Variants in SEC24D observed in about 807,000 individuals in gnomAD.
SEC24D encodes protein transport protein Sec24D.
In SEC24D, 69 loss-of-function variants were observed where a neutral mutation model predicts 116.9. The ratio of observed to expected loss-of-function variants is 0.59; its 90% confidence interval spans 0.49 to 0.72. SEC24D has a LOEUF of 0.72. Among genes scored for constraint, SEC24D ranks in the 30% least tolerant of loss-of-function variants. SEC24D has a pLI of 0.00. For missense variants in SEC24D, 1,131 were observed against 1,264.1 expected (o/e 0.89, Z 1.60); for synonymous variants, 405 against 442.8 (o/e 0.91, Z 1.07).
chr4:118,756,630 G>A lies in SEC24D; in HGVS notation c.1421+1091C>T, dbSNP rs189822854. Among the ~76,000 whole-genome samples the A allele has an allele frequency of 1.8e-3, 281 of 152,122 alleles. 3 individuals are homozygous for A. The highest frequency in any genetic ancestry group is 6.5e-3 in the African/African-American group (270 of 41,500). On this transcript the variant is annotated intron_variant, in intron 11 of 22. Coordinates refer to ENST00000280551, the MANE Select transcript of SEC24D (RefSeq NM_014822.4). ...CCCTCCAGAAAAACATCCTTTTCCA[G>A]AACAAAGATTGTTGATGTTCAGGGA...
Position 118,723,656 on chromosome 4 carries a change from C to T in SEC24D, c.2959-1G>A. ...GTTCTCGCTGCTTTACAATTGTGAG[C>T]TAGGAAAAAAAAAACAAAACAGTAA... is the stretch of plus-strand genomic sequence containing the variant. On this transcript the variant is annotated splice_acceptor_variant, in intron 22 of 22. Transcript: ENST00000280551. LOFTEE classifies it high-confidence loss of function. 4 of 1,593,878 alleles carry T rather than the reference C, an allele frequency of 2.5e-6. No individual in the cohort carries two copies. Among genetic ancestry groups the T allele is most frequent in the Non-Finnish European group, 2.6e-6 (3 of 1,174,234 alleles).
rs188210350 is a variant in SEC24D, at chr4:118,780,678, T to C, written c.1042-12367A>G. 1.1e-4 allele frequency among the ~76,000 whole-genome samples: 16 copies of C among 152,254 alleles called. No individual in the cohort carries two copies. In the South Asian group the frequency reaches 1.5e-3, roughly 14 times the overall value. On this transcript the variant is annotated intron_variant, in intron 8 of 22. Coordinates refer to ENST00000280551, the MANE Select transcript of SEC24D (RefSeq NM_014822.4). Reference sequence around the variant, plus strand: ...CCTTGTTAACCTTCTGTCTCATTGATCTGTCTAAAAAGTCTCCCATTATTA... The same window carrying C: ...CCTTGTTAACCTTCTGTCTCATTGACCTGTCTAAAAAGTCTCCCATTATTA...
At chr4:118,764,535 C>A (rs1322865133) in intron 10 of SEC24D, 1 of 312,896 alleles carries the variant, frequency 3.2e-6, no homozygotes, top group Non-Finnish European at 5.9e-6. Context: ...CAGGTATATT[C>A]TGTCTGGCAA....
At chr4:118,825,698 G>A in intron 2 of SEC24D, 2 of 412,870 alleles carry the variant, frequency 4.8e-6, no homozygotes, top group Non-Finnish European at 9.3e-6. Context: ...AAGAAAAAAA[G>A]AGAAAAACTT....
intron 13 of SEC24D, 52 bp from the exon 14 acceptor site, chr4:118,745,112 C>T (rs1273521142): frequency 3.2e-6 from 3 of 948,044 alleles, no homozygotes; most frequent in East Asian, 2.4e-5. Flanking sequence ...TGAGTAGGAA[C>T]ATTTTAAGAG....
In SEC24D at chr4:118,744,173, CAA is replaced by C. The variant is rs748712504; in HGVS notation, c.1825-17_1825-16del. The stretch of plus-strand genomic sequence containing the variant: ...TGGAAAAGTATCTGGAAAAAAGATG[CAA>C]AAAAAAAGAAAAAATAAAAATTACA... On this transcript the variant is annotated splice_polypyrimidine_tract_variant and intron_variant, in intron 14 of 22. Coordinates refer to ENST00000280551, the MANE Select transcript of SEC24D (RefSeq NM_014822.4). 1 of 1,463,568 alleles carries C rather than the reference CAA, an allele frequency of 6.8e-7. No individual in the cohort carries two copies. Among genetic ancestry groups the C allele is most frequent in the Non-Finnish European group, 9.1e-7 (1 of 1,095,648 alleles). 90.7% of individuals were successfully genotyped at this position (1,463,568 alleles called of 1,614,324 possible).
intron 8 of SEC24D, among the ~76,000 whole-genome samples, chr4:118,780,907 CTTTTTTT>C (rs143712578): frequency 1.8e-4 from 11 of 61,882 alleles, no homozygotes; most frequent in African/African-American, 4.9e-4. Context: ...GCAACCCCTG[CTTTTTTT>C]TTTTTTTTTT....
intron 2 of SEC24D, among the ~76,000 whole-genome samples, chr4:118,828,345 G>A (rs1476297638): frequency 6.6e-6 from 1 of 152,064 alleles, no homozygotes; most frequent in East Asian, 1.9e-4. Flanking sequence ...TCCTGACCTC[G>A]TGATCTGCCC....
chr4:118,797,674 C>A lies in SEC24D; in HGVS notation c.1041+9G>T. Reference sequence around the variant, plus strand: ...AAATTATTGAATTGCTATTATATATCATTCTTACCTCATTTGAAGGAATGG... The same window carrying A: ...AAATTATTGAATTGCTATTATATATAATTCTTACCTCATTTGAAGGAATGG... On this transcript the variant is annotated intron_variant, in intron 8 of 22. Transcript: ENST00000280551. 1.3e-6 allele frequency: 2 copies of A among 1,568,232 alleles called. No individual in the cohort carries two copies. Among genetic ancestry groups the A allele is most frequent in the South Asian group, 1.2e-5 (1 of 84,000 alleles).
Position 118,752,594 on chromosome 4 carries a change from C to T in SEC24D, c.1613+103G>A, listed in dbSNP as rs180928573. ...AGTTTTATAATCTGTGTCTTGAAAC[C>T]CCCTTGCTAATGATAAAACAATGTA... On this transcript the variant is annotated intron_variant, in intron 12 of 22. Coordinates refer to ENST00000280551, the MANE Select transcript of SEC24D (RefSeq NM_014822.4). The T allele has an allele frequency of 4.3e-5, 32 of 746,664 alleles. No individual in the cohort carries two copies. In the East Asian group the frequency reaches 9.5e-4, roughly 22 times the overall value. 46.3% of individuals were successfully genotyped at this position (746,664 alleles called of 1,614,324 possible).
At chr4:118,792,319 G>A (rs1728961390) in intron 8 of SEC24D, among the ~76,000 whole-genome samples, 1 of 150,102 alleles carries the variant, frequency 6.7e-6, no homozygotes, top group Admixed American at 6.6e-5. Flanking sequence ...AGGTGGGGGG[G>A]CGCCTCTGCC....
chr4:118,756,681 G>C (rs1487340544), intron 11 of SEC24D, among the ~76,000 whole-genome samples: 1 of 152,034 alleles, frequency 6.6e-6, no homozygotes, highest in African/African-American at 2.4e-5. Context: ...GGACACGTAG[G>C]GACTAGGTTA....
chr4:118,807,961 A>C (rs1393417463), intron 6 of SEC24D, among the ~76,000 whole-genome samples: 1 of 152,098 alleles, frequency 6.6e-6, no homozygotes, highest in Non-Finnish European at 1.5e-5. Context: ...TTAAAAATAG[A>C]GTTGTTTTTT....
chr4:118,743,661 T>C (rs1726348591), intron 15 of SEC24D, among the ~76,000 whole-genome samples: 1 of 152,164 alleles, frequency 6.6e-6, no homozygotes, highest in Non-Finnish European at 1.5e-5. Context: ...CACTGTGCCC[T>C]GCCTATGTTA....
In SEC24D at chr4:118,753,069, A is replaced by G. The variant is rs537439956; in HGVS notation, c.1422-181T>C. 2.0e-5 allele frequency among the ~76,000 whole-genome samples: 3 copies of G among 152,290 alleles called. No individual in the cohort carries two copies. In the South Asian group the frequency reaches 6.2e-4, roughly 32 times the overall value. ...GTCACGGCAATGGGGGATAGGAGTT[A>G]TTACAAAAATAAACAAACTGATAAG... On this transcript the variant is annotated intron_variant, in intron 11 of 22. Coordinates refer to ENST00000280551, the MANE Select transcript of SEC24D (RefSeq NM_014822.4).
chr4:118,785,090 C>G (rs1265795731), intron 8 of SEC24D, among the ~76,000 whole-genome samples: 1 of 152,056 alleles, frequency 6.6e-6, no homozygotes, highest in Non-Finnish European at 1.5e-5. Context: ...CTCCTAAATA[C>G]AAGATCCTCG....
Position 118,747,370 on chromosome 4 carries a change from G to A in SEC24D, c.1708-2310C>T, listed in dbSNP as rs184193594. Among the ~76,000 whole-genome samples the A allele has an allele frequency of 1.2e-4, 18 of 150,452 alleles. No individual in the cohort carries two copies. The East Asian group carries it at 3.0e-3, about 25-fold the overall frequency. ...CAACCTCTGCCTCCTGGGTTCAAGC[G>A]ATTCTTCTGCCTCAGCCTCCCAAGT... On this transcript the variant is annotated intron_variant, in intron 13 of 22. Transcript: ENST00000280551.
intron 3 of SEC24D, among the ~76,000 whole-genome samples, chr4:118,817,632 G>GA (rs199781266): frequency 2.8e-4 from 42 of 148,520 alleles, no homozygotes; most frequent in Non-Finnish European, 4.3e-4. Flanking sequence ...TGCCAAGACA[G>GA]AAAAAAAAAA....
At chr4:118,780,097 T>C (rs1201741536) in intron 8 of SEC24D, among the ~76,000 whole-genome samples, 2 of 152,236 alleles carry the variant, frequency 1.3e-5, no homozygotes, top group Non-Finnish European at 2.9e-5. Context: ...CGTTTCTCTA[T>C]CTCCTTCAGT....
Sources: gnomAD v4.1 joint callset for allele counts (sites outside exome capture counted in the v4.1 genomes callset) on GRCh38, gnomAD v4.1.1 for gene constraint, MANE v1.5 for transcripts, NCBI Gene and HGNC (gene_info 2026-07-23, HGNC 2026-07-21) for gene names.